The following PCDH9 variants were observed in gnomAD, a reference collection of about 807,000 sequenced individuals.
PCDH9 encodes protocadherin-9.
A neutral mutation model predicts 70.6 loss-of-function variants in PCDH9; 24 were observed. The observed-to-expected ratio is 0.34, with a 90% CI of 0.25 to 0.48. The LOEUF is 0.48. Ranked by LOEUF, PCDH9 falls within the 20% of genes least tolerant of loss-of-function variation. PCDH9 has a pLI of 0.99. For synonymous variants in PCDH9, 562 were observed against 558.5 expected (o/e 1.01, Z -0.09); for missense variants, 1,281 against 1,503.6 (o/e 0.85, Z 2.45).
At chr13:66,692,003 T>C (rs1655911258) in intron 3 of PCDH9, among the ~76,000 whole-genome samples, 1 of 152,176 alleles carries the variant, frequency 6.6e-6, no homozygotes, top group East Asian at 1.9e-4. Flanking sequence ...GGCTAGGTCA[T>C]TTTGAGCTAT....
At chr13:66,476,391 A>G (rs879924628) in intron 4 of PCDH9, among the ~76,000 whole-genome samples, 3 of 152,042 alleles carry the variant, frequency 2.0e-5, no homozygotes, top group Admixed American at 2.0e-4. Flanking sequence ...ATAAAAGACT[A>G]TTTTCTTATA....
chr13:66,715,766 A>T (rs191436804), intron 3 of PCDH9, among the ~76,000 whole-genome samples: 2 of 152,230 alleles, frequency 1.3e-5, no homozygotes, highest in Admixed American at 6.5e-5. Flanking sequence ...CAATAACCAG[A>T]TAACAAAAAC....
rs150712986 is a variant in PCDH9, at chr13:66,717,024, T to A, written c.3139-85613A>T. The stretch of plus-strand genomic sequence containing the variant: ...CCTAGCCTGGGAGCTATTTTTCAAA[T>A]CACAGTGATTTTTCATGTGTATATT... On this transcript the variant is annotated intron_variant, in intron 3 of 4. Transcript: ENST00000377865. Among the ~76,000 whole-genome samples, 558 of 152,260 alleles carry A rather than the reference T, an allele frequency of 3.7e-3. 3 individuals are homozygous for A. Among genetic ancestry groups the A allele is most frequent in the Middle Eastern group, 0.02 (6 of 294 alleles).
chr13:67,001,660 G>T (rs1454082089), intron 2 of PCDH9, among the ~76,000 whole-genome samples: 1 of 152,178 alleles, frequency 6.6e-6, no homozygotes, highest in African/African-American at 2.4e-5. Context: ...AACAGACGGG[G>T]CTGTGTACGC....
intron 4 of PCDH9, among the ~76,000 whole-genome samples, chr13:66,498,085 G>A (rs958525575): frequency 1.3e-5 from 2 of 151,682 alleles, no homozygotes; most frequent in Non-Finnish European, 2.9e-5. Flanking sequence ...TTCCCAATGT[G>A]ATGGGATTAC....
chr13:66,307,630 C>T (rs1042291102), intron 4 of PCDH9, among the ~76,000 whole-genome samples: 1 of 151,876 alleles, frequency 6.6e-6, no homozygotes, highest in African/African-American at 2.4e-5. Context: ...ACATTTCCAG[C>T]GTCATTAATA....
In PCDH9 at chr13:66,304,823, G is replaced by A; in HGVS notation, c.3546C>T (p.Ala1182=). The change falls in exon 5 of 5, where the codon GCC becomes GCT. Residue 1182 remains alanine (A), a synonymous_variant. Coordinates refer to ENST00000377865, the MANE Select transcript of PCDH9 (RefSeq NM_203487.3). ...KLVNGHTLTR[A]WKEDSNRNQF... is the part of the protein sequence containing the mutation. ...GGTTCCTGTTGCTGTCTTCTTTCCA[G>A]GCTCTGGTCAGGGTGTGCCCATTCA... is the stretch of plus-strand genomic sequence containing the variant. 1 of 1,613,512 alleles carries A rather than the reference G, an allele frequency of 6.2e-7. No individual in the cohort carries two copies. The highest frequency in any genetic ancestry group is 2.2e-5 in the East Asian group (1 of 44,842).
chr13:66,507,478 T>C (rs1959242166), intron 4 of PCDH9, among the ~76,000 whole-genome samples: 2 of 152,170 alleles, frequency 1.3e-5, no homozygotes, highest in South Asian at 4.1e-4. Context: ...TTATCTCCTT[T>C]GTCAGGAAAA....
intron 4 of PCDH9, among the ~76,000 whole-genome samples, chr13:66,515,934 G>C (rs1036999340): frequency 3.9e-5 from 6 of 151,952 alleles, no homozygotes; most frequent in African/African-American, 1.4e-4. Context: ...TTTATACAAA[G>C]GAGGATGACT....
intron 3 of PCDH9, among the ~76,000 whole-genome samples, chr13:66,897,917 TAC>T (rs1339752181): frequency 2.0e-5 from 3 of 152,150 alleles, no homozygotes; most frequent in Non-Finnish European, 2.9e-5. Flanking sequence ...AGGTCAATCT[TAC>T]CTAAAATGGC....
At chr13:66,554,084 A>T (rs910836693) in intron 4 of PCDH9, among the ~76,000 whole-genome samples, 21 of 152,146 alleles carry the variant, frequency 1.4e-4, no homozygotes. Context: ...TTAGTCCAAA[A>T]CAGACTGGGA....
Position 66,310,999 on chromosome 13 carries a change from C to T in PCDH9, c.3341-5971G>A, listed in dbSNP as rs1955549973. On this transcript the variant is annotated intron_variant, in intron 4 of 4. Coordinates refer to ENST00000377865, the MANE Select transcript of PCDH9 (RefSeq NM_203487.3). ...ATCATGAGTGTCTATTAAGCAAAGACTTGTGCACTCCCAAACACTTTAAAA... is the reference window on the plus strand; with the variant it reads ...ATCATGAGTGTCTATTAAGCAAAGATTTGTGCACTCCCAAACACTTTAAAA... Among the ~76,000 whole-genome samples, 3 of 152,066 alleles carry T rather than the reference C, an allele frequency of 2.0e-5. No individual in the cohort carries two copies. In the South Asian group the frequency reaches 6.2e-4, roughly 31 times the overall value.
chr13:66,460,035 T>C (rs949407649), intron 4 of PCDH9, among the ~76,000 whole-genome samples: 2 of 151,938 alleles, frequency 1.3e-5, no homozygotes, highest in African/African-American at 4.8e-5. Context: ...GAAATCTGTA[T>C]GGTATCATTT....
chr13:66,685,242 A>T (rs181182394), intron 3 of PCDH9, among the ~76,000 whole-genome samples: 5 of 152,166 alleles, frequency 3.3e-5, no homozygotes, highest in African/African-American at 1.2e-4. Context: ...TGCTTTTTGC[A>T]GTCTTGAGAC....
intron 2 of PCDH9, among the ~76,000 whole-genome samples, chr13:67,076,321 T>G (rs2085876942): frequency 6.6e-6 from 1 of 152,176 alleles, no homozygotes; most frequent in African/African-American, 2.4e-5. Context: ...TGAGGTTTAA[T>G]AAATTTATGA....
chr13:67,154,760 A>C (rs1361225518), intron 2 of PCDH9, among the ~76,000 whole-genome samples: 4 of 147,032 alleles, frequency 2.7e-5, no homozygotes, highest in African/African-American at 1.0e-4. Context: ...GCTAGAGTAC[A>C]GTGGCAAGAT....
At chr13:66,903,976 C>A (rs1409447252) in intron 2 of PCDH9, among the ~76,000 whole-genome samples, 1 of 151,812 alleles carries the variant, frequency 6.6e-6, no homozygotes, top group African/African-American at 2.4e-5. Context: ...TAGCCTGTGA[C>A]ATGGATATTA....
At chr13:66,688,496 T>C (rs1211111276) in intron 3 of PCDH9, among the ~76,000 whole-genome samples, 1 of 152,138 alleles carries the variant, frequency 6.6e-6, no homozygotes, top group African/African-American at 2.4e-5. Flanking sequence ...AGTGTTAATA[T>C]ATATTATGCC....
chr13:66,668,712 G>A (rs963366896), intron 3 of PCDH9, among the ~76,000 whole-genome samples: 4 of 152,148 alleles, frequency 2.6e-5, no homozygotes, highest in Non-Finnish European at 4.4e-5. Flanking sequence ...AATTTGGGGA[G>A]CAACTTATTG....
Sources: allele counts gnomAD v4.1 joint callset (sites outside exome capture counted in the v4.1 genomes callset), GRCh38; gene constraint gnomAD v4.1.1; transcripts MANE v1.5; gene names NCBI Gene and HGNC (gene_info 2026-07-23, HGNC 2026-07-21).